The following SF3B2 variants were observed in gnomAD, a reference collection of about 807,000 sequenced individuals.
SF3B2 encodes splicing factor 3b subunit 2.
SF3B2 carries 22 observed loss-of-function variants against 116.3 expected under a neutral mutation model. That is an observed-to-expected ratio of 0.19 (90% confidence interval 0.14 to 0.27). SF3B2 has a LOEUF of 0.27. SF3B2 is among the 10% of genes least tolerant of loss of function. SF3B2 has a pLI of 1.00. For synonymous variants in SF3B2, 406 were observed against 421.6 expected (o/e 0.96, Z 0.45); for missense variants, 767 against 1,151.4 (o/e 0.67, Z 4.83).
Position 66,063,390 on chromosome 11 carries a change from T to A in SF3B2, c.2086-10T>A. On this transcript the variant is annotated splice_polypyrimidine_tract_variant and intron_variant, in intron 17 of 21. Coordinates refer to ENST00000322535, the MANE Select transcript of SF3B2 (RefSeq NM_006842.3). ...AAACATTTGTTGAATGATAAAGTGA[T>A]CTCTTTCAGACCAAGACTGAGGAAG... 6.2e-7 allele frequency: 1 copy of A among 1,603,842 alleles called. No homozygotes were observed. The highest frequency in any genetic ancestry group is 8.5e-7 in the Non-Finnish European group (1 of 1,175,474).
At chr11:66,054,942 TTC>T (rs1323004811) in intron 3 of SF3B2, 132 bp from the exon 4 acceptor site, 3 of 809,568 alleles carry the variant, frequency 3.7e-6, no homozygotes, top group East Asian at 5.5e-5. Flanking sequence ...CTGTGGAGCA[TTC>T]TCTCTTATGG....
chr11:66,055,836 C>A, intron 5 of SF3B2: 1 of 492,948 alleles, frequency 2.0e-6, no homozygotes. Flanking sequence ...AAAACCCAAA[C>A]CAAAAATATG....
In SF3B2 at chr11:66,056,222, T is replaced by C. The variant is rs556962142; in HGVS notation, c.550-616T>C. ...TTCGAGACCAGCCTGGCCAACATAA[T>C]GAAACCCTGTCTCTCAGAAATACAA... On this transcript the variant is annotated intron_variant, in intron 5 of 21. Coordinates refer to ENST00000322535, the MANE Select transcript of SF3B2 (RefSeq NM_006842.3). Among the ~76,000 whole-genome samples the C allele has an allele frequency of 4.0e-5, 6 of 151,892 alleles. No homozygotes were observed. In the South Asian group the frequency reaches 1.2e-3, roughly 32 times the overall value.
intron 5 of SF3B2, among the ~76,000 whole-genome samples, chr11:66,056,200 G>C (rs756181797): frequency 6.6e-6 from 1 of 152,090 alleles, no homozygotes; most frequent in African/African-American, 2.4e-5. Context: ...TCAGGAGTTC[G>C]AGACCAGCCT....
rs759221500 is a variant in SF3B2 at position 66,068,230 on chromosome 11, T to C, written c.2513T>C (p.Met838Thr). 2.5e-6 allele frequency: 4 copies of C among 1,614,056 alleles called. No individual in the cohort carries two copies. In the African/African-American group the frequency reaches 5.3e-5, roughly 22 times the overall value. The change falls in exon 21 of 22, where the codon ATG (methionine) becomes ACG (threonine). Residue 838 changes from methionine (M) to threonine (T), a missense_variant. Met to Thr is a moderately conservative substitution (Grantham distance 81). Transcript: ENST00000322535. ...CCTGAAGAGTTGGAGCTGGATCCTATGGCCATGACCCAGAAGTATGAGGAG... is the reference window on the plus strand; with the variant it reads ...CCTGAAGAGTTGGAGCTGGATCCTACGGCCATGACCCAGAAGTATGAGGAG... Reference protein sequence around the residue: ...LAPEELELDPMAMTQKYEEHV... With the variant: ...LAPEELELDPTAMTQKYEEHV...
At chr11:66,060,451 G>T in intron 13 of SF3B2, 131 bp from the exon 14 acceptor site, 1 of 1,076,692 alleles carries the variant, frequency 9.3e-7, no homozygotes, top group Non-Finnish European at 1.3e-6. Context: ...GGTTTTAGCA[G>T]GAAGGATTTT....
rs766838247 is a variant in SF3B2 at position 66,061,902 on chromosome 11, G to A, written c.1881G>A (p.Lys627=). The change falls in exon 16 of 22, where the codon AAG becomes AAA. Residue 627 remains lysine, a synonymous_variant. Transcript: ENST00000322535. ...LGMPVGPNAH[K]VPPPWLIAMQ... ...TCTTTTTCCTGCAGAATGCCCACAA[G>A]GTCCCTCCCCCATGGCTGATTGCCA... 3 of 1,612,538 alleles carry A rather than the reference G, an allele frequency of 1.9e-6. No individual in the cohort carries two copies. The highest frequency in any genetic ancestry group is 2.5e-6 in the Non-Finnish European group (3 of 1,178,942).
intron 16 of SF3B2, 82 bp from the exon 17 acceptor site, chr11:66,062,927 C>G: frequency 1.2e-6 from 1 of 853,266 alleles, no homozygotes; most frequent in Non-Finnish European, 1.8e-6. Context: ...CAGCTCTGTA[C>G]TTTTGAGTGT....
chr11:66,062,476 T>TA (rs777175434), intron 16 of SF3B2, among the ~76,000 whole-genome samples: 176 of 138,200 alleles, frequency 1.3e-3, no homozygotes, highest in South Asian at 5.4e-3. Flanking sequence ...ACCTCTACTT[T>TA]AAAAAAAAAA....
intron 3 of SF3B2, chr11:66,053,345 A>G (rs1856925090): frequency 1.9e-6 from 1 of 532,340 alleles, no homozygotes; most frequent in South Asian, 2.2e-5. Context: ...TCTCTCTTTG[A>G]TGCTGACACT....
At chr11:66,052,890 A>G (rs1856911002) in intron 2 of SF3B2, 137 bp from the exon 3 acceptor site, 1 of 1,214,232 alleles carries the variant, frequency 8.2e-7, no homozygotes, top group Non-Finnish European at 1.2e-6. Context: ...TCTTGTATCC[A>G]TCTTGGTCCT....
chr11:66,066,412 G>A (rs538184368), intron 19 of SF3B2: 1 of 152,310 alleles, frequency 6.6e-6, no homozygotes, highest in African/African-American at 2.4e-5. Context: ...CCAAAGTGCT[G>A]GGATTACAGG....
rs770617565 is a variant in SF3B2 at position 66,052,381 on chromosome 11, T to A, written c.-4T>A. 1.2e-6 allele frequency: 2 copies of A among 1,609,308 alleles called. No individual in the cohort carries two copies. Among genetic ancestry groups the A allele is most frequent in the Non-Finnish European group, 1.7e-6 (2 of 1,178,420 alleles). ...GGTTGGTCGCGCGCCTTCCTGCGGC[T>A]AAGATGGCGACGGAGCATCCCGAGC... On this transcript the variant is annotated 5_prime_UTR_variant, in exon 1 of 22. Transcript: ENST00000322535.
intron 17 of SF3B2, 65 bp from the exon 18 acceptor site, chr11:66,063,333 TAA>T: frequency 6.7e-7 from 1 of 1,501,054 alleles, no homozygotes; most frequent in East Asian, 2.3e-5. Context: ...CCCTTCAGCT[TAA>T]AACAGCCTGG....
At chr11:66,067,205 T>G in intron 19 of SF3B2, 1 of 269,054 alleles carries the variant, frequency 3.7e-6, no homozygotes, top group Non-Finnish European at 7.5e-6. Flanking sequence ...GGAAGAAAAA[T>G]AAAGAAGGGT....
In SF3B2 at chr11:66,063,303, T is replaced by C. The variant is rs968637510; in HGVS notation, c.2086-97T>C. The C allele has an allele frequency of 2.4e-6, 3 of 1,237,492 alleles. No homozygotes were observed. In the African/African-American group the frequency reaches 4.5e-5, roughly 19 times the overall value. The allele number at this position is 1,237,492 out of a possible 1,614,324, so 76.7% of individuals were successfully genotyped here. On this transcript the variant is annotated intron_variant, in intron 17 of 21. Coordinates refer to ENST00000322535, the MANE Select transcript of SF3B2 (RefSeq NM_006842.3). ...TTGAGCTCTAGGTAGGTAGGGATTA[T>C]TGTGTTTTGACTCTTACACCCCTTC... is the stretch of plus-strand genomic sequence containing the variant.
At position 66,069,240 on chromosome 11, in the gene SF3B2, C is replaced by G; in HGVS notation, c.*495C>G. ...GCCAGGGCAGGCCTTCCCAACTGAC[C>G]TTGTGACCAGAAGTTCAAGTCCTTA... On this transcript the variant is annotated 3_prime_UTR_variant, in exon 22 of 22. Coordinates refer to ENST00000322535, the MANE Select transcript of SF3B2 (RefSeq NM_006842.3). 1 of 384,072 alleles carries G rather than the reference C, an allele frequency of 2.6e-6. No individual in the cohort carries two copies. Among genetic ancestry groups the G allele is most frequent in the Non-Finnish European group, 5.4e-6 (1 of 184,948 alleles). 23.8% of individuals were successfully genotyped at this position (384,072 alleles called of 1,614,324 possible).
At position 66,068,739 on chromosome 11, in the gene SF3B2, G is replaced by A. The variant is rs999185217; in HGVS notation, c.2682G>A (p.Lys894=). 6.2e-7 allele frequency: 1 copy of A among 1,614,024 alleles called. No homozygotes were observed. Among genetic ancestry groups the A allele is most frequent in the African/African-American group, 1.3e-5 (1 of 75,024 alleles). ...RGGSKKYKEF[K]F ...GCAGCAAGAAATATAAGGAGTTCAA[G>A]TTTTAGGTCCCCTCACACTAGCCCT... The change falls in exon 22 of 22, where the codon AAG becomes AAA. Residue 894 remains lysine, a synonymous_variant. Coordinates refer to ENST00000322535, the MANE Select transcript of SF3B2 (RefSeq NM_006842.3).
In SF3B2 at chr11:66,055,535, C is replaced by G; in HGVS notation, c.499C>G (p.Gln167Glu). 6.2e-7 allele frequency: 1 copy of G among 1,614,118 alleles called. No homozygotes were observed. The highest frequency in any genetic ancestry group is 8.5e-7 in the Non-Finnish European group (1 of 1,180,022). Residue 167 changes from glutamine to glutamate, a missense_variant and splice_region_variant, in exon 5 of 22, where the codon CAG (glutamine) becomes GAG (glutamate). Transcript: ENST00000322535. ...GTATGAACTTGTTTTCTTTTTTAAG[C>G]AGGGAGATCATTCGCTGAAGGAACA... ...LMQQEERAKQQGDHSLKEHEL... is the reference protein window; with the variant it reads ...LMQQEERAKQEGDHSLKEHEL...
Sources: gnomAD v4.1 joint callset for allele counts (sites outside exome capture counted in the v4.1 genomes callset) on GRCh38, gnomAD v4.1.1 for gene constraint, MANE v1.5 for transcripts, NCBI Gene and HGNC (gene_info 2026-07-23, HGNC 2026-07-21) for gene names.